KANSL1L: variants seen among roughly 807,000 people sequenced by gnomAD.
KANSL1L encodes KAT8 regulatory NSL complex subunit 1-like protein.
Under a neutral mutation model 108.6 loss-of-function variants are expected in KANSL1L, and 25 were observed. The ratio of observed to expected loss-of-function variants is 0.23; its 90% CI spans 0.17 to 0.32. The LOEUF (loss-of-function observed/expected upper bound fraction) is 0.32, where lower values mean the gene tolerates loss of function less well. KANSL1L is among the 10% of genes least tolerant of loss of function. The pLI, the probability that KANSL1L is intolerant of heterozygous loss-of-function variation, is 1.00. For missense variants in KANSL1L, 1,137 were observed against 1,125.7 expected (o/e 1.01, Z -0.14); for synonymous variants, 405 against 395.1 (o/e 1.03, Z -0.30).
chr2:210,141,200 CTT>C (rs60129698), intron 2 of KANSL1L, among the ~76,000 whole-genome samples: 13,320 of 149,746 alleles, frequency 0.089, 624 homozygotes, highest in Middle Eastern at 0.15. Context: ...TTCTCTTTTT[CTT>C]TTTTCTTTTC....
intron 3 of KANSL1L, among the ~76,000 whole-genome samples, chr2:210,124,755 A>G (rs1456434511): frequency 1.1e-4 from 16 of 152,264 alleles, no homozygotes; most frequent in Non-Finnish European, 2.4e-4. Flanking sequence ...ACCTTTAGCT[A>G]GATGAACTAA....
chr2:210,027,099 A>G (rs751873328), intron 12 of KANSL1L, among the ~76,000 whole-genome samples, 197 bp downstream of exon 12: 10 of 152,114 alleles, frequency 6.6e-5, no homozygotes, highest in African/African-American at 9.7e-5. Context: ...GTGTATTTCT[A>G]TATTATGCTG....
chr2:210,076,799 ATAAT>A (rs1300358925), intron 5 of KANSL1L, among the ~76,000 whole-genome samples: 1 of 151,904 alleles, frequency 6.6e-6, no homozygotes, highest in Non-Finnish European at 1.5e-5. Flanking sequence ...TATATATACA[ATAAT>A]TAAGCTTTTC....
chr2:210,115,952 C>G (rs1447631763), intron 3 of KANSL1L, among the ~76,000 whole-genome samples: 2 of 152,210 alleles, frequency 1.3e-5, no homozygotes, highest in Non-Finnish European at 2.9e-5. Context: ...CCACATAAAA[C>G]AGCATCTTTA....
rs1688065095 is a variant in KANSL1L, at chr2:210,167,632, A to T, written c.-30+3517T>A. 2.0e-5 allele frequency among the ~76,000 whole-genome samples: 3 copies of T among 152,032 alleles called. No homozygotes were observed. The South Asian group carries it at 6.2e-4, about 31-fold the overall frequency. ...TACTGCTGAATAAAAATTTGTTTAA[A>T]TAAAAACAACACACTTGAGAATTGT... On this transcript the variant is annotated intron_variant, in intron 1 of 14. Coordinates refer to ENST00000281772, the MANE Select transcript of KANSL1L (RefSeq NM_152519.4).
rs766506680 is a variant in KANSL1L, at chr2:210,028,881, A to G, written c.2360T>C (p.Leu787Ser). 8.1e-6 allele frequency: 13 copies of G among 1,599,732 alleles called. No individual in the cohort carries two copies. Among genetic ancestry groups the G allele is most frequent in the Non-Finnish European group, 1.1e-5 (13 of 1,168,104 alleles). The change falls in exon 11 of 15, where the codon TTA (leucine) becomes TCA (serine). Residue 787 changes from leucine (L) to serine (S), a missense_variant. By Grantham distance (145) the Leu-to-Ser change is moderately radical. This residue lies in a region of KANSL1L where 575 missense variants were observed against 567.1 expected (regional missense o/e 1.01). Transcript: ENST00000281772. ...IPMSLVAPAK[L>S]EKLQYKEILT... is the part of the protein sequence containing the mutation. ...TATTTCCTTATATTGGAGTTTCTCT[A>G]ATTTAGCTGGGGCTACTAATGACAT...
At chr2:210,039,511 T>A (rs1444968411) in intron 8 of KANSL1L, among the ~76,000 whole-genome samples, 4 of 151,912 alleles carry the variant, frequency 2.6e-5, no homozygotes, top group Admixed American at 6.5e-5. Context: ...AGGTATTCAT[T>A]TGACTCGAGT....
At chr2:210,156,398 G>A (rs1489263801) in intron 1 of KANSL1L, among the ~76,000 whole-genome samples, 1 of 151,750 alleles carries the variant, frequency 6.6e-6, no homozygotes, top group Non-Finnish European at 1.5e-5. Context: ...TGTTCATAAT[G>A]GCAAAACATC....
Position 210,079,672 on chromosome 2 carries a change from GTGTATA to G in KANSL1L, c.1551-3922_1551-3917del, listed in dbSNP as rs1424551791. The G allele has an allele frequency of 6.2e-3, 159 of 25,516 alleles. 22 individuals carry two copies. Among genetic ancestry groups the G allele is most frequent in the African/African-American group, 0.018 (143 of 8,048 alleles). 1.6% of individuals were successfully genotyped at this position (25,516 alleles called of 1,614,324 possible). On this transcript the variant is annotated intron_variant, in intron 5 of 14. Coordinates refer to ENST00000281772, the MANE Select transcript of KANSL1L (RefSeq NM_152519.4). Reference sequence around the variant, plus strand: ...TATATATATATATATATATGTATGTGTGTATATATATATATATATGTATGTGTGTAT... The same window carrying G: ...TATATATATATATATATATGTATGTGTATATATATATATGTATGTGTGTAT...
intron 4 of KANSL1L, among the ~76,000 whole-genome samples, chr2:210,103,320 T>TGC (rs2094813905): frequency 3.3e-5 from 3 of 90,172 alleles, no homozygotes; most frequent in African/African-American, 1.3e-4. Flanking sequence ...GGGCCTGTCA[T>TGC]GGGGTGGGGG....
intron 5 of KANSL1L, among the ~76,000 whole-genome samples, chr2:210,093,308 G>A (rs1251416481): frequency 6.6e-6 from 1 of 152,138 alleles, no homozygotes; most frequent in African/African-American, 2.4e-5. Flanking sequence ...ATCACACCCA[G>A]CTAATTTTTG....
At chr2:210,072,037 A>G (rs1559533448) in intron 6 of KANSL1L, among the ~76,000 whole-genome samples, 1 of 152,218 alleles carries the variant, frequency 6.6e-6, no homozygotes, top group Non-Finnish European at 1.5e-5. Flanking sequence ...GGAATTCAAC[A>G]TTAATAAAAT....
At chr2:210,162,779 T>C (rs1247291177) in intron 1 of KANSL1L, among the ~76,000 whole-genome samples, 3 of 152,096 alleles carry the variant, frequency 2.0e-5, no homozygotes, top group African/African-American at 7.2e-5. Context: ...CCAACGTGTT[T>C]AGAAGTGTAT....
At chr2:210,047,935 T>C (rs2094243493) in intron 6 of KANSL1L, among the ~76,000 whole-genome samples, 1 of 152,226 alleles carries the variant, frequency 6.6e-6, no homozygotes, top group African/African-American at 2.4e-5. Context: ...GATTCATACA[T>C]ATGATTTGCC....
intron 3 of KANSL1L, among the ~76,000 whole-genome samples, chr2:210,111,168 T>C (rs1417471704): frequency 6.6e-6 from 1 of 150,526 alleles, no homozygotes; most frequent in Non-Finnish European, 1.5e-5. Context: ...AAAAAACATG[T>C]CTACACTAAA....
In KANSL1L at chr2:210,031,574, G is replaced by GT. The variant is rs780500390; in HGVS notation, c.2030-29dup. ...AAAACAAATGAAAAGGAAATATTAA[G>GT]TTTTAGTTCCTTAACACAGACAGTG... On this transcript the variant is annotated intron_variant, in intron 8 of 14. Transcript: ENST00000281772. 2.1e-6 allele frequency: 3 copies of GT among 1,422,768 alleles called. No homozygotes were observed. In the African/African-American group the frequency reaches 4.4e-5, roughly 21 times the overall value. The allele number at this position is 1,422,768 out of a possible 1,614,324, so 88.1% of individuals were successfully genotyped here.
At chr2:210,115,521 GATAA>G (rs1218855778) in intron 3 of KANSL1L, among the ~76,000 whole-genome samples, 3 of 152,164 alleles carry the variant, frequency 2.0e-5, no homozygotes, top group Non-Finnish European at 4.4e-5. Flanking sequence ...TAGGATAGCA[GATAA>G]TTAAAGACAT....
intron 1 of KANSL1L, among the ~76,000 whole-genome samples, chr2:210,155,702 C>A (rs1357334393): frequency 6.6e-6 from 1 of 152,074 alleles, no homozygotes; most frequent in South Asian, 2.1e-4. Flanking sequence ...AAAAGGCAAC[C>A]CAGTACCCTT....
chr2:210,103,889 T>TCC, intron 4 of KANSL1L: 1 of 278,356 alleles, frequency 3.6e-6, no homozygotes, highest in Non-Finnish European at 6.5e-6. Context: ...ACCAATTCCA[T>TCC]TACTTTACAT....
Sources: allele counts gnomAD v4.1 joint callset (sites outside exome capture counted in the v4.1 genomes callset), GRCh38; gene constraint gnomAD v4.1.1; regional missense constraint gnomAD v4.1.1; transcripts MANE v1.5; gene names NCBI Gene and HGNC (gene_info 2026-07-23, HGNC 2026-07-21).